Variants in PCM1 observed in about 807,000 individuals in gnomAD.
PCM1 encodes pericentriolar material 1 protein.
In PCM1, 157 loss-of-function variants were observed where a neutral mutation model predicts 241.9. The observed-to-expected ratio is 0.65, with a 90% CI of 0.57 to 0.74. PCM1 has a LOEUF of 0.74. Ranked by LOEUF, PCM1 falls within the 30% of genes least tolerant of loss-of-function variation. PCM1 has a pLI of 0.00. For synonymous variants in PCM1, 1,085 were observed against 784.9 expected (o/e 1.38, Z -6.39); for missense variants, 3,478 against 2,360.1 (o/e 1.47, Z -9.81).
intron 7 of PCM1, among the ~76,000 whole-genome samples, chr8:17,948,570 TG>T (rs753124156): frequency 6.6e-6 from 1 of 152,148 alleles, no homozygotes; most frequent in East Asian, 1.9e-4. Flanking sequence ...CCCAAAGTGC[TG>T]GGATTACAGG....
At chr8:17,950,242 C>T (rs2065513934) in intron 7 of PCM1, among the ~76,000 whole-genome samples, 1 of 152,178 alleles carries the variant, frequency 6.6e-6, no homozygotes, top group Non-Finnish European at 1.5e-5. Context: ...TATTCAAGAA[C>T]ATGGAGATTG....
intron 36 of PCM1, 63 bp downstream of exon 36, chr8:18,014,903 T>G: frequency 3.6e-6 from 5 of 1,402,522 alleles, no homozygotes; most frequent in Non-Finnish European, 4.8e-6. Flanking sequence ...TTCTTCATTT[T>G]CAGATTAGCA....
chr8:17,928,326 C>G (rs2057795854), intron 2 of PCM1, among the ~76,000 whole-genome samples: 1 of 152,186 alleles, frequency 6.6e-6, no homozygotes, highest in Admixed American at 6.5e-5. Flanking sequence ...TCTCCATTCC[C>G]TACTTTTCTA....
chr8:18,022,004 C>T (rs1293424335), intron 36 of PCM1, among the ~76,000 whole-genome samples: 3 of 152,110 alleles, frequency 2.0e-5, no homozygotes, highest in Non-Finnish European at 4.4e-5. Context: ...TAACTTAGAA[C>T]GTGGAGATTG....
intron 30 of PCM1, among the ~76,000 whole-genome samples, chr8:18,007,055 T>C (rs1246104540): frequency 1.3e-5 from 2 of 152,194 alleles, no homozygotes; most frequent in South Asian, 2.1e-4. Flanking sequence ...AGTGCCAAGG[T>C]TGAGAAATCC....
intron 24 of PCM1, among the ~76,000 whole-genome samples, chr8:17,985,045 A>C (rs972986350): frequency 6.6e-6 from 1 of 151,936 alleles, no homozygotes; most frequent in Non-Finnish European, 1.5e-5. Flanking sequence ...AAAATATACA[A>C]ACTTCCTTTT....
intron 4 of PCM1, among the ~76,000 whole-genome samples, chr8:17,938,411 A>G (rs1226624548): frequency 6.6e-6 from 1 of 152,158 alleles, no homozygotes; most frequent in Non-Finnish European, 1.5e-5. Context: ...ATATATTCCA[A>G]AATTTGAAAA....
At chr8:17,929,542 C>T (rs1400172209) in intron 2 of PCM1, among the ~76,000 whole-genome samples, 3 of 152,194 alleles carry the variant, frequency 2.0e-5, no homozygotes, top group Non-Finnish European at 2.9e-5. Context: ...AACTCATCAT[C>T]ATCCTCTCTC....
intron 28 of PCM1, among the ~76,000 whole-genome samples, 187 bp from the exon 29 acceptor site, chr8:17,993,296 A>T (rs2085436318): frequency 6.6e-6 from 1 of 152,048 alleles, no homozygotes; most frequent in Non-Finnish European, 1.5e-5. Flanking sequence ...TAAATATGTG[A>T]TATCTAATGG....
intron 28 of PCM1, among the ~76,000 whole-genome samples, chr8:17,992,250 G>T (rs893495116): frequency 2.6e-5 from 4 of 152,110 alleles, no homozygotes; most frequent in African/African-American, 9.7e-5. Flanking sequence ...TTTCTTCTGG[G>T]CAGATACCTA....
rs190460765 is a variant in PCM1 at position 17,964,522 on chromosome 8, A to C, written c.2655-46A>C. On this transcript the variant is annotated intron_variant, in intron 17 of 38. Transcript: ENST00000325083. ...GCACATAGTAGGTGGCAGAGTATTTAACTTATCTCCAGAATGACATCTGTT... is the reference window on the plus strand; with the variant it reads ...GCACATAGTAGGTGGCAGAGTATTTCACTTATCTCCAGAATGACATCTGTT... 9 of 1,459,528 alleles carry C rather than the reference A, an allele frequency of 6.2e-6. No individual in the cohort carries two copies. The African/African-American group carries it at 7.0e-5, about 11-fold the overall frequency. 90.4% of individuals were successfully genotyped at this position (1,459,528 alleles called of 1,614,324 possible). A position where few individuals can be genotyped will look rare whatever the true frequency, so the allele number is the denominator to read the frequency against.
chr8:18,025,478 T>C (rs1452983270), intron 37 of PCM1, 25 bp downstream of exon 37: 3 of 1,528,398 alleles, frequency 2.0e-6, no homozygotes, highest in African/African-American at 2.8e-5. Context: ...TTAATTAAAC[T>C]TGTCTTTACA....
At chr8:17,945,070 A>T in intron 6 of PCM1, among the ~76,000 whole-genome samples, 1 of 152,046 alleles carries the variant, frequency 6.6e-6, no homozygotes, top group Non-Finnish European at 1.5e-5. Flanking sequence ...CCTTCCATTG[A>T]TATCTGTACC....
intron 15 of PCM1, among the ~76,000 whole-genome samples, chr8:17,961,412 G>A (rs993401174): frequency 6.4e-5 from 9 of 140,882 alleles, no homozygotes; most frequent in Non-Finnish European, 1.4e-4. Flanking sequence ...CTGGGTTCAC[G>A]CCATTCTCCT....
intron 2 of PCM1, among the ~76,000 whole-genome samples, chr8:17,929,945 C>G (rs1425519595): frequency 6.6e-6 from 1 of 152,146 alleles, no homozygotes; most frequent in Non-Finnish European, 1.5e-5. Flanking sequence ...TCACCAGTTT[C>G]CTGACCATGG....
intron 23 of PCM1, among the ~76,000 whole-genome samples, chr8:17,978,775 A>C (rs921290978): frequency 5.3e-5 from 8 of 152,228 alleles, no homozygotes; most frequent in Admixed American, 3.9e-4. Flanking sequence ...GATCAGTCTC[A>C]CTAATATAAA....
At chr8:17,956,425 T>G (rs547927656) in intron 10 of PCM1, among the ~76,000 whole-genome samples, 179 bp from the exon 11 acceptor site, 1 of 152,196 alleles carries the variant, frequency 6.6e-6, no homozygotes, top group Non-Finnish European at 1.5e-5. Flanking sequence ...AGATTTTGAG[T>G]AAGCTGTACT....
At chr8:18,006,226 G>T (rs2091278053) in intron 29 of PCM1, 37 bp from the exon 30 acceptor site, 1 of 1,500,872 alleles carries the variant, frequency 6.7e-7, no homozygotes, top group Non-Finnish European at 9.0e-7. Flanking sequence ...TAAACAATAG[G>T]TAAGTTTATA....
rs1274586296 is a variant in PCM1 at position 18,028,322 on chromosome 8, CTGTT to C, written c.*665_*668del. ...TATCTAGAACTTACATCATTATCAT[CTGTT>C]TGTTAGGATTTGAAATTCTGGAAAA... On this transcript the variant is annotated 3_prime_UTR_variant, in exon 39 of 39. Coordinates refer to ENST00000325083, the MANE Select transcript of PCM1 (RefSeq NM_006197.4). 2.2e-5 allele frequency: 4 copies of C among 181,190 alleles called. No homozygotes were observed. The highest frequency in any genetic ancestry group is 4.1e-4 in the South Asian group (2 of 4,906). The allele number at this position is 181,190 out of a possible 1,614,324, so 11.2% of individuals were successfully genotyped here.
Sources: gnomAD v4.1 joint callset for allele counts (sites outside exome capture counted in the v4.1 genomes callset) on GRCh38, gnomAD v4.1.1 for gene constraint, MANE v1.5 for transcripts, NCBI Gene and HGNC (gene_info 2026-07-23, HGNC 2026-07-21) for gene names.